SGCZ: variants seen among roughly 807,000 people sequenced by gnomAD.
SGCZ encodes zeta-sarcoglycan.
Under a neutral mutation model 41.3 loss-of-function variants are expected in SGCZ, and 40 were observed. The observed-to-expected ratio is 0.97, with a 90% CI of 0.75 to 1.26. SGCZ has a LOEUF of 1.26. Ranked by LOEUF, SGCZ falls within the 50% of genes most tolerant of loss-of-function variation. SGCZ has a pLI of 0.00. For synonymous variants in SGCZ, 206 were observed against 137.5 expected (o/e 1.50, Z -3.49); for missense variants, 552 against 369.8 (o/e 1.49, Z -4.04).
At position 15,109,175 on chromosome 8, in the gene SGCZ, G is replaced by A. The variant is rs1343451092; in HGVS notation, c.39+128410C>T. 3.3e-5 allele frequency among the ~76,000 whole-genome samples: 5 copies of A among 152,216 alleles called. No homozygotes were observed. In the South Asian group the frequency reaches 8.3e-4, roughly 25 times the overall value. ...ATCTTGATTTTTCTTGATGATGATG[G>A]AGATCATTCTGCAGAAACCACAGCA... On this transcript the variant is annotated intron_variant, in intron 1 of 7. Coordinates refer to ENST00000382080, the MANE Select transcript of SGCZ (RefSeq NM_139167.4).
At chr8:14,217,864 C>G (rs912144972) in intron 4 of SGCZ, among the ~76,000 whole-genome samples, 23 of 151,974 alleles carry the variant, frequency 1.5e-4, no homozygotes, top group African/African-American at 5.6e-4. Flanking sequence ...CTCCTGACTT[C>G]AAGTGATCCA....
Position 14,767,855 on chromosome 8 carries a change from T to C in SGCZ, c.40-212929A>G, listed in dbSNP as rs557486458. On this transcript the variant is annotated intron_variant, in intron 1 of 7. Transcript: ENST00000382080. ...CTCAATTTAATTCATATTTAGATTC[T>C]TCCTCACTGCTGAAATAGGGCCATG... 3.9e-5 allele frequency among the ~76,000 whole-genome samples: 6 copies of C among 152,310 alleles called. No homozygotes were observed. The South Asian group carries it at 1.2e-3, about 32-fold the overall frequency.
intron 1 of SGCZ, among the ~76,000 whole-genome samples, chr8:14,956,949 G>A (rs1800812378): frequency 6.6e-6 from 1 of 151,844 alleles, no homozygotes; most frequent in Non-Finnish European, 1.5e-5. Flanking sequence ...TTGGCTCTGT[G>A]TGTATATACA....
At chr8:14,119,996 T>C (rs1038288817) in intron 5 of SGCZ, among the ~76,000 whole-genome samples, 5 of 152,160 alleles carry the variant, frequency 3.3e-5, no homozygotes, top group Non-Finnish European at 5.9e-5. Context: ...GCATCGATGC[T>C]CATCAGGGAT....
chr8:15,209,121 T>C (rs1801162046), intron 1 of SGCZ, among the ~76,000 whole-genome samples: 1 of 152,040 alleles, frequency 6.6e-6, no homozygotes, highest in South Asian at 2.1e-4. Context: ...TTTTTCCATC[T>C]GAAAATGGAT....
intron 1 of SGCZ, among the ~76,000 whole-genome samples, chr8:14,905,553 C>T (rs1482985284): frequency 6.6e-6 from 1 of 151,988 alleles, no homozygotes; most frequent in African/African-American, 2.4e-5. Flanking sequence ...CAAATTAGCA[C>T]TCAGAAATTT....
chr8:14,318,873 G>A (rs1801816072), intron 3 of SGCZ, among the ~76,000 whole-genome samples: 1 of 151,486 alleles, frequency 6.6e-6, no homozygotes, highest in African/African-American at 2.4e-5. Flanking sequence ...CTCATAGACA[G>A]TAAAAAATCG....
intron 5 of SGCZ, among the ~76,000 whole-genome samples, chr8:14,148,655 T>C (rs777592835): frequency 5.9e-5 from 9 of 152,028 alleles, no homozygotes; most frequent in Non-Finnish European, 1.2e-4. Context: ...TTCCAGGAAA[T>C]GGAAGAAGAG....
intron 1 of SGCZ, among the ~76,000 whole-genome samples, chr8:14,610,071 A>C (rs1485270630): frequency 2.0e-5 from 3 of 152,204 alleles, no homozygotes; most frequent in Non-Finnish European, 4.4e-5. Context: ...AAAAAATTTA[A>C]GTCAATGACC....
chr8:14,288,470 C>T (rs1181782083), intron 3 of SGCZ, among the ~76,000 whole-genome samples: 3 of 152,068 alleles, frequency 2.0e-5, no homozygotes, highest in African/African-American at 7.2e-5. Context: ...TAACCTCTAA[C>T]CTGCTCTCCA....
At chr8:14,383,692 A>G (rs1804456806) in intron 2 of SGCZ, among the ~76,000 whole-genome samples, 1 of 152,222 alleles carries the variant, frequency 6.6e-6, no homozygotes. Flanking sequence ...GAATGTTAAG[A>G]GCAAACACTG....
At chr8:14,734,937 A>G (rs1798982265) in intron 1 of SGCZ, among the ~76,000 whole-genome samples, 1 of 152,132 alleles carries the variant, frequency 6.6e-6, no homozygotes, top group Non-Finnish European at 1.5e-5. Flanking sequence ...GGGTATTCTG[A>G]TTCATCAAAT....
At chr8:14,612,077 TTAGC>T (rs1273635168) in intron 1 of SGCZ, among the ~76,000 whole-genome samples, 1 of 152,248 alleles carries the variant, frequency 6.6e-6, no homozygotes, top group East Asian at 1.9e-4. Flanking sequence ...TTGAAAAACA[TTAGC>T]TATGAAAACG....
chr8:14,237,925 T>A (rs779567698), intron 3 of SGCZ, among the ~76,000 whole-genome samples: 3 of 152,232 alleles, frequency 2.0e-5, no homozygotes, highest in Non-Finnish European at 4.4e-5. Flanking sequence ...TTTCCAACCC[T>A]ACTGATTGCT....
intron 1 of SGCZ, among the ~76,000 whole-genome samples, chr8:14,905,024 A>G (rs1464956395): frequency 2.0e-5 from 3 of 152,006 alleles, no homozygotes; most frequent in Non-Finnish European, 2.9e-5. Flanking sequence ...ACTATAAAAG[A>G]CAATATTATT....
chr8:14,396,227 G>A (rs77703953), intron 2 of SGCZ, among the ~76,000 whole-genome samples: 1,897 of 152,112 alleles, frequency 0.012, 43 homozygotes, highest in African/African-American at 0.041. Context: ...TAGTTCCTAC[G>A]CAATATACTT....
intron 2 of SGCZ, among the ~76,000 whole-genome samples, chr8:14,340,852 A>G (rs1343157518): frequency 6.6e-6 from 1 of 152,186 alleles, no homozygotes; most frequent in African/African-American, 2.4e-5. Flanking sequence ...AAGTACATTC[A>G]CAATGCTGAG....
At chr8:14,360,239 A>G (rs759479035) in intron 2 of SGCZ, among the ~76,000 whole-genome samples, 11 of 152,136 alleles carry the variant, frequency 7.2e-5, no homozygotes, top group Non-Finnish European at 1.5e-4. Context: ...CTTATTCAAC[A>G]TAGTTCCAGA....
In SGCZ at chr8:14,862,330, C is replaced by A. The variant is rs147401372; in HGVS notation, c.40-307404G>T. 3.3e-5 allele frequency among the ~76,000 whole-genome samples: 5 copies of A among 151,976 alleles called. No individual in the cohort carries two copies. In the East Asian group the frequency reaches 7.8e-4, roughly 24 times the overall value. Reference sequence around the variant, plus strand: ...CTGTACTTTGACCAGGAGTACAACACAGACACCTTCCCAGTGGCACAACAG... The same window carrying A: ...CTGTACTTTGACCAGGAGTACAACAAAGACACCTTCCCAGTGGCACAACAG... On this transcript the variant is annotated intron_variant, in intron 1 of 7. Transcript: ENST00000382080.
Sources: allele counts gnomAD v4.1 joint callset (sites outside exome capture counted in the v4.1 genomes callset), GRCh38; gene constraint gnomAD v4.1.1; transcripts MANE v1.5; gene names NCBI Gene and HGNC (gene_info 2026-07-23, HGNC 2026-07-21).